The following MLLT3 variants were observed in gnomAD, a reference collection of about 807,000 sequenced individuals.
MLLT3 encodes the protein MLLT3 super elongation complex subunit, also known as protein AF-9.
Under a neutral mutation model 53.2 loss-of-function variants are expected in MLLT3, and 4 were observed. That is an observed-to-expected ratio of 0.08 (90% CI 0.04 to 0.17). MLLT3 has a LOEUF of 0.17. Ranked by LOEUF, MLLT3 falls within the 10% of genes least tolerant of loss-of-function variation. MLLT3 has a pLI of 1.00. For missense variants in MLLT3, 569 were observed against 684.0 expected, an observed-to-expected ratio of 0.83 and a Z score of 1.87; for synonymous variants, 283 against 230.6, an observed-to-expected ratio of 1.23 and a Z score of -2.06.
rs528096453 is a variant in MLLT3 at position 20,350,439 on chromosome 9, C to A, written c.1575+3086G>T. ...TGAAACCCCGTCTCTACTAAAAATA[C>A]AAAAAATTAGCCGGGCGTGGTGGCG... On this transcript the variant is annotated intron_variant, in intron 10 of 10. Transcript: ENST00000380338. 4.0e-5 allele frequency among the ~76,000 whole-genome samples: 6 copies of A among 151,682 alleles called. No individual in the cohort carries two copies. The South Asian group carries it at 1.3e-3, about 32-fold the overall frequency.
At chr9:20,472,708 A>C (rs576127010) in intron 2 of MLLT3, among the ~76,000 whole-genome samples, 2 of 152,116 alleles carry the variant, frequency 1.3e-5, no homozygotes, top group Non-Finnish European at 2.9e-5. Flanking sequence ...TTCATAAGCT[A>C]TAAGTGCTAA....
At chr9:20,410,064 G>C (rs796232792) in intron 5 of MLLT3, among the ~76,000 whole-genome samples, 17 of 152,208 alleles carry the variant, frequency 1.1e-4, no homozygotes, top group African/African-American at 3.9e-4. Context: ...TTTTTATCTT[G>C]TATTTTTACA....
intron 2 of MLLT3, among the ~76,000 whole-genome samples, chr9:20,595,193 A>G (rs1217542986): frequency 6.6e-6 from 1 of 152,040 alleles, no homozygotes; most frequent in African/African-American, 2.4e-5. Flanking sequence ...CTCCATCTCT[A>G]CAAAAAGAAG....
Position 20,413,776 on chromosome 9 carries a change from T to A in MLLT3, c.1070A>T (p.Asp357Val). 1.2e-6 allele frequency: 2 copies of A among 1,613,630 alleles called. No individual in the cohort carries two copies. The highest frequency in any genetic ancestry group is 1.7e-6 in the Non-Finnish European group (2 of 1,179,828). ...ATCTGAATCATTGGGATCCACAATA[T>A]CATCAAATGGCGGTAACGTTGATTT... ...KKKSTLPPFD[D>V]IVDPNDSDVE... Residue 357 changes from aspartate (D) to valine (V), a missense_variant, in exon 5 of 11, where the codon GAT (aspartate) becomes GTT (valine). Physicochemically the swap from Asp to Val is radical, Grantham distance 152 (BLOSUM62 -3). Transcript: ENST00000380338.
chr9:20,467,857 T>G (rs73648217), intron 2 of MLLT3, among the ~76,000 whole-genome samples: 2 of 152,356 alleles, frequency 1.3e-5, no homozygotes, highest in African/African-American at 4.8e-5. Context: ...TGTATGCTGC[T>G]GAAGCTTACT....
Position 20,621,020 on chromosome 9 carries a change from C to G in MLLT3, c.13-186G>C. ...CCACACCCCCAAATATACCCGCCCG[C>G]CCGGCCCGGCTTGGCCCCAGGCGCC... On this transcript the variant is annotated intron_variant, in intron 1 of 10. Coordinates refer to ENST00000380338, the MANE Select transcript of MLLT3 (RefSeq NM_004529.4). This position sits in a 1 kb window ranked among gnomAD's most constrained non-coding sequence, Gnocchi z 7.0. 1.3e-6 allele frequency: 1 copy of G among 759,194 alleles called. No homozygotes were observed. Among genetic ancestry groups the G allele is most frequent in the East Asian group, 2.7e-5 (1 of 37,306 alleles). 47.0% of individuals were successfully genotyped at this position (759,194 alleles called of 1,614,324 possible). A position where few individuals can be genotyped will look rare whatever the true frequency, so the allele number is the denominator to read the frequency against.
intron 2 of MLLT3, among the ~76,000 whole-genome samples, chr9:20,479,158 A>G (rs898380638): frequency 6.6e-6 from 1 of 152,154 alleles, no homozygotes; most frequent in African/African-American, 2.4e-5. Context: ...TTTCCTTTAC[A>G]AGTTTAAATG....
chr9:20,377,516 T>G (rs1821797283), intron 5 of MLLT3, among the ~76,000 whole-genome samples: 1 of 152,112 alleles, frequency 6.6e-6, no homozygotes, highest in African/African-American at 2.4e-5. Context: ...ATGAAATAAC[T>G]AAAAGATATA....
chr9:20,401,770 G>C (rs148671114), intron 5 of MLLT3, among the ~76,000 whole-genome samples: 159 of 152,260 alleles, frequency 1.0e-3, no homozygotes, highest in African/African-American at 3.6e-3. Flanking sequence ...TGCAAGGAAG[G>C]CTGGGGAAAC....
chr9:20,578,108 AG>A (rs1490935487), intron 2 of MLLT3, among the ~76,000 whole-genome samples: 2 of 152,168 alleles, frequency 1.3e-5, no homozygotes, highest in Non-Finnish European at 2.9e-5. Context: ...TCCACCACAA[AG>A]GGAATTATTA....
In MLLT3 at chr9:20,413,723, C is replaced by T. The variant is rs1822788210; in HGVS notation, c.1123G>A (p.Asp375Asn). 6.3e-7 allele frequency: 1 copy of T among 1,580,930 alleles called. No individual in the cohort carries two copies. The highest frequency in any genetic ancestry group is 8.6e-7 in the Non-Finnish European group (1 of 1,167,852). Residue 375 changes from aspartate (D) to asparagine (N), a missense_variant and splice_region_variant, in exon 5 of 11, where the codon GAT becomes AAT. Coordinates refer to ENST00000380338, the MANE Select transcript of MLLT3 (RefSeq NM_004529.4). The stretch of plus-strand genomic sequence containing the variant: ...GAAAGCCAGTAAGAACTACTCACAT[C>T]AGATTTAGAGGATATATTCTCCTCC... ...DVEENISSKS[D>N]SEQPSPASSS...
chr9:20,559,508 T>A (rs1308339283), intron 2 of MLLT3, among the ~76,000 whole-genome samples: 2 of 152,238 alleles, frequency 1.3e-5, no homozygotes, highest in Non-Finnish European at 2.9e-5. Context: ...CACTCCACAT[T>A]AACTTATCTG....
intron 6 of MLLT3, among the ~76,000 whole-genome samples, 188 bp downstream of exon 6, chr9:20,365,481 G>A (rs1469687787): frequency 6.6e-6 from 1 of 152,206 alleles, no homozygotes; most frequent in Non-Finnish European, 1.5e-5. Context: ...GGGACTACAG[G>A]CGCATGCCAC....
chr9:20,588,330 T>A (rs1400416698), intron 2 of MLLT3, among the ~76,000 whole-genome samples: 1 of 150,568 alleles, frequency 6.6e-6, no homozygotes, highest in Non-Finnish European at 1.5e-5. Context: ...TGCGGGCTCT[T>A]TTTTGGTTCC....
chr9:20,529,133 G>A (rs1224976527), intron 2 of MLLT3, among the ~76,000 whole-genome samples: 2 of 152,188 alleles, frequency 1.3e-5, no homozygotes, highest in African/African-American at 4.8e-5. Flanking sequence ...GGCCACACCT[G>A]AGACTACGCC....
intron 2 of MLLT3, among the ~76,000 whole-genome samples, chr9:20,614,067 G>A (rs1820764737): frequency 6.6e-6 from 1 of 152,158 alleles, no homozygotes; most frequent in South Asian, 2.1e-4. Flanking sequence ...CACAAGGGTA[G>A]GAATGTTCCT....
chr9:20,546,640 T>G (rs148755382), intron 2 of MLLT3, among the ~76,000 whole-genome samples: 201 of 152,204 alleles, frequency 1.3e-3, no homozygotes, highest in Non-Finnish European at 9.3e-4. Context: ...CGAATGACCC[T>G]GTATGGCAGA....
chr9:20,394,551 C>T (rs1822270196), intron 5 of MLLT3, among the ~76,000 whole-genome samples: 1 of 151,968 alleles, frequency 6.6e-6, no homozygotes, highest in African/African-American at 2.4e-5. Flanking sequence ...ATTTGGGGTC[C>T]ACAAAGGAGA....
At chr9:20,507,853 T>C (rs1413220777) in intron 2 of MLLT3, among the ~76,000 whole-genome samples, 2 of 151,880 alleles carry the variant, frequency 1.3e-5, no homozygotes, top group Admixed American at 1.3e-4. Context: ...AAGGTACTCT[T>C]CACAATAAGA....
Sources: gnomAD v4.1 joint callset for allele counts (sites outside exome capture counted in the v4.1 genomes callset) on GRCh38, gnomAD v4.1.1 for gene constraint, Gnocchi (gnomAD v3.1) non-coding constraint, MANE v1.5 for transcripts, NCBI Gene and HGNC (gene_info 2026-07-23, HGNC 2026-07-21) for gene names.